The following NPC1L1 variants were observed in gnomAD, a reference collection of about 807,000 sequenced individuals.
The protein encoded by NPC1L1 is NPC1-like intracellular cholesterol transporter 1.
Under a neutral mutation model 117.0 loss-of-function variants are expected in NPC1L1, and 98 were observed. The ratio of observed to expected loss-of-function variants is 0.84; its 90% CI spans 0.71 to 0.99. NPC1L1 has a LOEUF of 0.99. Among genes scored for constraint, NPC1L1 ranks in the 50% least tolerant of loss-of-function variants. NPC1L1 has a pLI of 0.00. For synonymous variants in NPC1L1, 729 were observed against 727.6 expected (o/e 1.00, Z -0.03); for missense variants, 1,540 against 1,710.0 (o/e 0.90, Z 1.75).
chr7:44,526,042 T>C (rs1744299473), intron 10 of NPC1L1, among the ~76,000 whole-genome samples: 1 of 152,140 alleles, frequency 6.6e-6, no homozygotes, highest in Admixed American at 6.5e-5. Flanking sequence ...GGCACAAACC[T>C]GTAATCCCAG....
chr7:44,514,495 C>G (rs1378722309), intron 18 of NPC1L1, among the ~76,000 whole-genome samples: 1 of 151,868 alleles, frequency 6.6e-6, no homozygotes, highest in Non-Finnish European at 1.5e-5. Context: ...CATGGTGAAA[C>G]CTGTCTCCAA....
intron 6 of NPC1L1, 63 bp from the exon 7 acceptor site, chr7:44,533,916 G>A: frequency 2.1e-6 from 3 of 1,410,202 alleles, no homozygotes; most frequent in Non-Finnish European, 2.9e-6. Context: ...TCAAAGGCCA[G>A]CAGGGAGTTG....
chr7:44,534,428 A>G lies in NPC1L1; in HGVS notation c.2166+19T>C. 1 of 1,613,698 alleles carries G rather than the reference A, an allele frequency of 6.2e-7. No homozygotes were observed. Among genetic ancestry groups the G allele is most frequent in the South Asian group, 1.1e-5 (1 of 91,066 alleles). ...GAAGAGTGGGCAGTTGGGGGTGTGGAGAGCTCCTCCCTTCTTACCTGGTAC... is the reference window on the plus strand; with the variant it reads ...GAAGAGTGGGCAGTTGGGGGTGTGGGGAGCTCCTCCCTTCTTACCTGGTAC... On this transcript the variant is annotated intron_variant, in intron 6 of 18. Transcript: ENST00000381160. This position sits in a 1 kb window ranked among gnomAD's most constrained non-coding sequence, Gnocchi z 5.2.
At chr7:44,528,940 A>G (rs1452917736) in intron 10 of NPC1L1, among the ~76,000 whole-genome samples, 9 of 151,956 alleles carry the variant, frequency 5.9e-5, no homozygotes, top group Non-Finnish European at 1.2e-4. Context: ...GCATGGTGGC[A>G]TGCACCTATA....
At chr7:44,518,378 C>T (rs909520805) in intron 14 of NPC1L1, among the ~76,000 whole-genome samples, 22 of 151,798 alleles carry the variant, frequency 1.4e-4, no homozygotes, top group African/African-American at 5.3e-4. Context: ...CCATGTTGGC[C>T]AGGCTGGTCT....
chr7:44,536,217 G>C lies in NPC1L1; in HGVS notation c.1854+39C>G. On this transcript the variant is annotated intron_variant, in intron 4 of 18. Coordinates refer to ENST00000381160, the MANE Select transcript of NPC1L1 (RefSeq NM_001101648.2). This position sits in a 1 kb window ranked among gnomAD's most constrained non-coding sequence, Gnocchi z 4.7. ...CACAGGAACTGACCCAAGACCACCTGGGTTGCACCCCCAGAGCCAGGGACC... is the reference window on the plus strand; with the variant it reads ...CACAGGAACTGACCCAAGACCACCTCGGTTGCACCCCCAGAGCCAGGGACC... The C allele has an allele frequency of 6.2e-7, 1 of 1,611,972 alleles. No individual in the cohort carries two copies. Among genetic ancestry groups the C allele is most frequent in the Non-Finnish European group, 8.5e-7 (1 of 1,179,690 alleles).
At position 44,540,235 on chromosome 7, in the gene NPC1L1, G is replaced by A. The variant is rs149143745; in HGVS notation, c.162C>T (p.Asn54=). The part of the protein sequence containing the change: ...ELSGSLMTLS[N]VSCLSNTPAR... ...CCGGCGTGTTGGACAGGCAGGACAC[G>A]TTGGAGAGTGTCATGAGGCTTCCAG... The change falls in exon 2 of 19, where the codon AAC becomes AAT. Residue 54 remains asparagine (N), a synonymous_variant. Coordinates refer to ENST00000381160, the MANE Select transcript of NPC1L1 (RefSeq NM_001101648.2). The A allele has an allele frequency of 2.7e-4, 432 of 1,613,970 alleles. No homozygotes were observed. Among genetic ancestry groups the A allele is most frequent in the Non-Finnish European group, 3.5e-4 (411 of 1,180,010 alleles).
chr7:44,520,866 T>C, intron 13 of NPC1L1, 46 bp from the exon 14 acceptor site: 2 of 1,613,344 alleles, frequency 1.2e-6, no homozygotes, highest in East Asian at 4.5e-5. Flanking sequence ...CGAAGCTTCT[T>C]TCATCTGCCC....
In NPC1L1 at chr7:44,516,763, G is replaced by A. The variant is rs558524472; in HGVS notation, c.3459C>T (p.Val1153=). The A allele has an allele frequency of 1.9e-4, 302 of 1,613,772 alleles. 6 individuals are homozygous for A. The South Asian group carries it at 2.9e-3, about 16-fold the overall frequency. The change falls in exon 16 of 19, where the codon GTC becomes GTT. Residue 1153 remains valine (V), a synonymous_variant. Coordinates refer to ENST00000381160, the MANE Select transcript of NPC1L1 (RefSeq NM_001101648.2). ...TGATGCCCCACAGGGCCATGAAGCC[G>A]ACAGTGTCCACGAGGATCATGACAA... ...LSIVMILVDT[V]GFMALWGISY... is the part of the protein sequence containing the mutation.
In NPC1L1 at chr7:44,539,812, G is replaced by A. The variant is rs769061081; in HGVS notation, c.585C>T (p.Ala195=). Residue 195 remains alanine, a synonymous_variant, in exon 2 of 19, where the codon GCC becomes GCT. Coordinates refer to ENST00000381160, the MANE Select transcript of NPC1L1 (RefSeq NM_001101648.2). This position sits in a 1 kb window ranked among gnomAD's most constrained non-coding sequence, Gnocchi z 4.4. ...TGAGCCAGCGCTGGGCATTGCAAAG[G>A]GCAGAGCCATACACGCCACACATGG... ...VGTMCGVYGS[A]LCNAQRWLNF... 1 of 1,614,160 alleles carries A rather than the reference G, an allele frequency of 6.2e-7. No individual in the cohort carries two copies. The highest frequency in any genetic ancestry group is 1.7e-5 in the Admixed American group (1 of 60,032).
intron 10 of NPC1L1, among the ~76,000 whole-genome samples, chr7:44,524,111 G>A (rs1328624715): frequency 6.6e-6 from 1 of 152,072 alleles, no homozygotes; most frequent in Non-Finnish European, 1.5e-5. Flanking sequence ...TAAGGACAAG[G>A]ACATTCAAAA....
chr7:44,521,697 T>C lies in NPC1L1; in HGVS notation c.2953+15A>G. ...AGCTGTGGTGGACAGTGAGTCCCCA[T>C]GGCCCCACACTCACTGACGGTCGAG... On this transcript the variant is annotated intron_variant, in intron 12 of 18. Coordinates refer to ENST00000381160, the MANE Select transcript of NPC1L1 (RefSeq NM_001101648.2). 6.2e-7 allele frequency: 1 copy of C among 1,614,004 alleles called. No homozygotes were observed. The highest frequency in any genetic ancestry group is 1.1e-5 in the South Asian group (1 of 91,066).
At position 44,513,659 on chromosome 7, in the gene NPC1L1, G is replaced by C; in HGVS notation, c.3797-10C>G. The C allele has an allele frequency of 1.2e-6, 2 of 1,611,382 alleles. No individual in the cohort carries two copies. Among genetic ancestry groups the C allele is most frequent in the Non-Finnish European group, 1.7e-6 (2 of 1,179,970 alleles). On this transcript the variant is annotated splice_polypyrimidine_tract_variant and intron_variant, in intron 18 of 18. Coordinates refer to ENST00000381160, the MANE Select transcript of NPC1L1 (RefSeq NM_001101648.2). ...GGGTTAACGTCAGGCCCTGCGGAGA[G>C]ACAGAGAACCACAGTCAGAGAGGTG... is the stretch of plus-strand genomic sequence containing the variant.
At position 44,532,098 on chromosome 7, in the gene NPC1L1, C is replaced by A; in HGVS notation, c.2529G>T (p.Trp843Cys). 1 of 1,614,180 alleles carries A rather than the reference C, an allele frequency of 6.2e-7. No individual in the cohort carries two copies. The highest frequency in any genetic ancestry group is 8.5e-7 in the Non-Finnish European group (1 of 1,180,042). The change falls in exon 9 of 19, where the codon TGG (tryptophan) becomes TGT (cysteine). Residue 843 changes from tryptophan to cysteine, a missense_variant. Trp to Cys is a radical substitution (Grantham distance 215). This residue lies in a region of NPC1L1 where 742 missense variants were observed against 873.6 expected (regional missense o/e 0.85). Transcript: ENST00000381160. Reference sequence around the variant, plus strand: ...CACTCACCACAACACCTCGAGTGATCCAGTGCAGCAGGAAGGGGGCATAAG... The same window carrying A: ...CACTCACCACAACACCTCGAGTGATACAGTGCAGCAGGAAGGGGGCATAAG... ...QKAYAPFLLH[W>C]ITRGVVLLLF...
In NPC1L1 at chr7:44,521,761, G is replaced by A. The variant is rs768994806; in HGVS notation, c.2904C>T (p.Arg968=). 1.9e-6 allele frequency: 3 copies of A among 1,614,196 alleles called. No individual in the cohort carries two copies. The highest frequency in any genetic ancestry group is 1.7e-5 in the Admixed American group (1 of 60,022). ...IDWLTPSSCC[R]LYISGPNKDK... ...CCTTATTGGGGCCAGATATATAAAG[G>A]CGGCAGCAGGAGGACGGGGTCAGCC... The change falls in exon 12 of 19, where the codon CGC becomes CGT. Residue 968 remains arginine (R), a synonymous_variant. Coordinates refer to ENST00000381160, the MANE Select transcript of NPC1L1 (RefSeq NM_001101648.2).
chr7:44,537,510 G>C (rs769845422), intron 2 of NPC1L1, among the ~76,000 whole-genome samples: 4 of 152,168 alleles, frequency 2.6e-5, no homozygotes, highest in Non-Finnish European at 5.9e-5. Flanking sequence ...TACTAGACTG[G>C]TGCCCTCAGG....
In NPC1L1 at chr7:44,539,430, T is replaced by C. The variant is rs185121858; in HGVS notation, c.967A>G (p.Thr323Ala). 95 of 1,601,844 alleles carry C rather than the reference T, an allele frequency of 5.9e-5. No individual in the cohort carries two copies. The highest frequency in any genetic ancestry group is 7.5e-5 in the Non-Finnish European group (88 of 1,175,926). The change falls in exon 2 of 19, where the codon ACC becomes GCC. Residue 323 changes from threonine to alanine, a missense_variant. This residue lies in a region of NPC1L1 where 793 missense variants were observed against 820.4 expected (regional missense o/e 0.97). Transcript: ENST00000381160. This position sits in a 1 kb window ranked among gnomAD's most constrained non-coding sequence, Gnocchi z 4.4. ...AAGCTGAGCTTGTCAGAGAGGCTGGTGCCCTTCTTGGGGTCCACCATCTTG... is the reference window on the plus strand; with the variant it reads ...AAGCTGAGCTTGTCAGAGAGGCTGGCGCCCTTCTTGGGGTCCACCATCTTG... ...KSKMVDPKKG[T>A]SLSDKLSFST...
At position 44,512,637 on chromosome 7, in the gene NPC1L1, G is replaced by C. The variant is rs139865067; in HGVS notation, c.*810C>G. On this transcript the variant is annotated 3_prime_UTR_variant, in exon 19 of 19. Transcript: ENST00000381160. ...CTTCTGGAGAGCTGTCCAAAAGCTC[G>C]GGTTGGGCTGGTTTGAGGCCTGGGA... 1 of 152,476 alleles carries C rather than the reference G, an allele frequency of 6.6e-6. No homozygotes were observed. Among genetic ancestry groups the C allele is most frequent in the African/African-American group, 2.4e-5 (1 of 41,464 alleles). 9.4% of individuals were successfully genotyped at this position (152,476 alleles called of 1,614,324 possible).
rs1433802496 is a variant in NPC1L1 at position 44,521,105 on chromosome 7, G to T, written c.2967C>A (p.Cys989Ter). The T allele has an allele frequency of 1.2e-6, 2 of 1,614,066 alleles. No individual in the cohort carries two copies. The highest frequency in any genetic ancestry group is 1.7e-5 in the Admixed American group (1 of 60,004). The change falls in exon 13 of 19, where the codon TGC (cysteine) becomes TGA (stop). Residue 989 changes from cysteine (C) to a stop codon, truncating the protein, a stop_gained. Transcript: ENST00000381160. LOFTEE classifies it high-confidence loss of function. ...TCGTGATGCTCATGCAGTTCTTTAG[G>T]CAGTTCAGAGAGTCTGCAGAGAAAG... is the stretch of plus-strand genomic sequence containing the variant. ...FCPSTVNSLN[C>*]LKNCMSITMG... is the part of the protein sequence containing the mutation.
Sources: gnomAD v4.1 joint callset for allele counts (sites outside exome capture counted in the v4.1 genomes callset) on GRCh38, gnomAD v4.1.1 for gene constraint, gnomAD v4.1.1 regional missense constraint, Gnocchi (gnomAD v3.1) non-coding constraint, MANE v1.5 for transcripts, NCBI Gene and HGNC (gene_info 2026-07-23, HGNC 2026-07-21) for gene names.